Variants in KMT5C observed in about 807,000 individuals in gnomAD.
KMT5C encodes histone-lysine N-methyltransferase KMT5C.
Under a neutral mutation model 38.2 loss-of-function variants are expected in KMT5C, and 16 were observed. That is an observed-to-expected ratio of 0.42 (90% CI 0.28 to 0.64). The LOEUF is 0.64. Among genes scored for constraint, KMT5C ranks in the 30% least tolerant of loss-of-function variants. KMT5C has a pLI of 0.23. For synonymous variants in KMT5C, 291 were observed against 279.0 expected, an observed-to-expected ratio of 1.04 and a Z score of -0.43; for missense variants, 598 against 665.1, an observed-to-expected ratio of 0.90 and a Z score of 1.11.
chr19:55,343,488 G>A lies in KMT5C; in HGVS notation c.387-192G>A, dbSNP rs1469373119. The A allele has an allele frequency of 1.6e-6, 1 of 611,184 alleles. No individual in the cohort carries two copies. The highest frequency in any genetic ancestry group is 1.8e-5 in the African/African-American group (1 of 54,104). The allele number at this position is 611,184 out of a possible 1,614,324, so 37.9% of individuals were successfully genotyped here. On this transcript the variant is annotated intron_variant, in intron 4 of 8. Coordinates refer to ENST00000255613, the MANE Select transcript of KMT5C (RefSeq NM_032701.4). This position sits in a 1 kb window ranked among gnomAD's most constrained non-coding sequence, Gnocchi z 5.5. ...TTCAGTAGAAGGGTCCTGTGGGGCT[G>A]TGGGCTGGAGCAGGGAAGCCCACCC...
intron 6 of KMT5C, 109 bp downstream of exon 6, chr19:55,344,106 G>A: frequency 8.2e-7 from 1 of 1,224,590 alleles, no homozygotes; most frequent in East Asian, 2.4e-5. Context: ...CGGGCGCGGT[G>A]GCTCATGCCT....
intron 6 of KMT5C, 45 bp downstream of exon 6, chr19:55,344,042 G>A: frequency 1.3e-6 from 2 of 1,597,260 alleles, no homozygotes; most frequent in Non-Finnish European, 1.7e-6. Flanking sequence ...AGGAAGAAAG[G>A]GTGCCTGTGG....
chr19:55,347,811 T>G lies in KMT5C; in HGVS notation c.*362T>G, dbSNP rs949099603. ...CGGCATCTCCCCAGAAGTACAGGCC[T>G]CAGGAGGAGGTGGAACTGATGTAGG... On this transcript the variant is annotated 3_prime_UTR_variant, in exon 9 of 9. Transcript: ENST00000255613. This position sits in a 1 kb window ranked among gnomAD's most constrained non-coding sequence, Gnocchi z 4.6. 8.1e-6 allele frequency: 2 copies of G among 246,198 alleles called. No individual in the cohort carries two copies. Among genetic ancestry groups the G allele is most frequent in the Non-Finnish European group, 7.7e-6 (1 of 129,752 alleles). 15.3% of individuals were successfully genotyped at this position (246,198 alleles called of 1,614,324 possible).
intron 1 of KMT5C, among the ~76,000 whole-genome samples, chr19:55,341,178 G>A (rs1434013563): frequency 6.6e-6 from 1 of 152,168 alleles, no homozygotes; most frequent in Non-Finnish European, 1.5e-5. Flanking sequence ...GACCTGTGCT[G>A]CCTCCCCATA....
chr19:55,345,983 C>T (rs2089612096), intron 6 of KMT5C: 8 of 581,608 alleles, frequency 1.4e-5, no homozygotes, highest in Non-Finnish European at 1.2e-5. Flanking sequence ...GTTAGATCAT[C>T]GTCCTGCAGG....
chr19:55,342,915 G>C (rs150863684), intron 4 of KMT5C, 64 bp downstream of exon 4: 13 of 1,052,386 alleles, frequency 1.2e-5, no homozygotes, highest in Admixed American at 5.2e-5. Context: ...GGACAAGAGA[G>C]ACCCTCTGTT....
chr19:55,344,361 C>T (rs1308844865), intron 6 of KMT5C: 1 of 151,240 alleles, frequency 6.6e-6, no homozygotes, highest in African/African-American at 4.2e-5. Flanking sequence ...GACTCTGTCT[C>T]AAAAAAAAAA....
At position 55,347,422 on chromosome 19, in the gene KMT5C, C is replaced by T. The variant is rs757945328; in HGVS notation, c.1362C>T (p.Asp454=). The T allele has an allele frequency of 2.6e-5, 41 of 1,554,708 alleles. No homozygotes were observed. Among genetic ancestry groups the T allele is most frequent in the Non-Finnish European group, 3.5e-5 (40 of 1,157,062 alleles). The change falls in exon 9 of 9, where the codon GAC becomes GAT. Residue 454 remains aspartate, a synonymous_variant. Transcript: ENST00000255613. This position sits in a 1 kb window ranked among gnomAD's most constrained non-coding sequence, Gnocchi z 4.6. ...LRLVVSHGSI[D]LDVGGEEL ...TGGTGGTCAGCCACGGCTCCATCGA[C>T]CTGGATGTCGGCGGTGAAGAGCTGT... is the stretch of plus-strand genomic sequence containing the variant.
In KMT5C at chr19:55,347,370, C is replaced by T. The variant is rs746895267; in HGVS notation, c.1310C>T (p.Pro437Leu). The change falls in exon 9 of 9, where the codon CCC becomes CTC. Residue 437 changes from proline to leucine, a missense_variant. Transcript: ENST00000255613. This position sits in a 1 kb window ranked among gnomAD's most constrained non-coding sequence, Gnocchi z 4.6. ...LIPKQALAFA[P>L]FSPPKRLRLV... is the part of the protein sequence containing the mutation. ...CCGAAGCAGGCCCTCGCCTTCGCCC[C>T]CTTCTCCCCACCCAAGCGCCTACGG... The T allele has an allele frequency of 1.3e-6, 2 of 1,586,178 alleles. No individual in the cohort carries two copies. Among genetic ancestry groups the T allele is most frequent in the Non-Finnish European group, 1.7e-6 (2 of 1,171,512 alleles).
intron 6 of KMT5C, 73 bp from the exon 7 acceptor site, chr19:55,346,140 C>T (rs959951389): frequency 2.6e-5 from 41 of 1,579,598 alleles, no homozygotes; most frequent in Admixed American, 3.5e-5. Context: ...CCAGGGTGCC[C>T]GGCCAGGTGT....
At chr19:55,342,561 C>G (rs549623514) in intron 3 of KMT5C, 181 bp downstream of exon 3, 37 of 636,572 alleles carry the variant, frequency 5.8e-5, no homozygotes, top group Non-Finnish European at 5.5e-6. Context: ...GTTGGGGGGG[C>G]CCTCTGAGAT....
chr19:55,344,096 C>G, intron 6 of KMT5C, 99 bp downstream of exon 6: 6 of 1,354,404 alleles, frequency 4.4e-6, no homozygotes, highest in Non-Finnish European at 6.2e-6. Context: ...AAACACCGGC[C>G]GGGCGCGGTG....
At position 55,342,031 on chromosome 19, in the gene KMT5C, A is replaced by G; in HGVS notation, c.95A>G (p.His32Arg). ...GACCCCTACCTCGGTTTCCGCACCC[A>G]TAAGATGAACGTCAGGTGAGGTGGC... ...VLDPYLGFRT[H>R]KMNVSPVPPL... is the part of the protein sequence containing the mutation. Residue 32 changes from histidine to arginine, a missense_variant, in exon 2 of 9, where the codon CAT becomes CGT. By Grantham distance (29) the His-to-Arg change is conservative. Around this residue, in one of 3 missense-constraint regions of KMT5C, gnomAD observed 167 missense variants for 187.8 expected, o/e 0.89. Transcript: ENST00000255613. 1.9e-6 allele frequency: 3 copies of G among 1,613,448 alleles called. No individual in the cohort carries two copies. The highest frequency in any genetic ancestry group is 1.3e-5 in the African/African-American group (1 of 75,024).
rs2089588391 is a variant in KMT5C at position 55,343,897 on chromosome 19, A to G, written c.550+54A>G. On this transcript the variant is annotated intron_variant, in intron 5 of 8. Coordinates refer to ENST00000255613, the MANE Select transcript of KMT5C (RefSeq NM_032701.4). The surrounding 1 kb of genome is among the most constrained non-coding windows in gnomAD (Gnocchi z 5.5). The stretch of plus-strand genomic sequence containing the variant: ...ACGGGATAGAGCCAGGCAGGGCTGG[A>G]GGGGTGTAGTGGGAGGGTTCTGCGA... 2 of 1,607,520 alleles carry G rather than the reference A, an allele frequency of 1.2e-6. No homozygotes were observed. Among genetic ancestry groups the G allele is most frequent in the African/African-American group, 1.3e-5 (1 of 74,768 alleles).
At chr19:55,346,716 G>C (rs1441979895) in intron 8 of KMT5C, 29 bp downstream of exon 8, 1 of 1,500,242 alleles carries the variant, frequency 6.7e-7, no homozygotes, top group African/African-American at 1.4e-5. Flanking sequence ...CATCCCAGCA[G>C]CCCCTCCCCT....
At position 55,343,675 on chromosome 19, in the gene KMT5C, G is replaced by C; in HGVS notation, c.387-5G>C. On this transcript the variant is annotated splice_region_variant and splice_polypyrimidine_tract_variant and intron_variant, in intron 4 of 8. Coordinates refer to ENST00000255613, the MANE Select transcript of KMT5C (RefSeq NM_032701.4). The surrounding 1 kb of genome is among the most constrained non-coding windows in gnomAD (Gnocchi z 5.5). ...CCACAGCCCTGCCCCCTGGCCTCTT[G>C]GCAGGAAAAAGAATGAGAAGCTGGA... The C allele has an allele frequency of 6.4e-7, 1 of 1,552,440 alleles. No homozygotes were observed.
intron 6 of KMT5C, among the ~76,000 whole-genome samples, chr19:55,345,560 C>T (rs973912443): frequency 1.3e-5 from 2 of 152,138 alleles, no homozygotes; most frequent in East Asian, 1.9e-4. Flanking sequence ...GGCCGTCAGG[C>T]AGGCAGGTGG....
chr19:55,345,296 A>G, intron 6 of KMT5C: 1 of 352,964 alleles, frequency 2.8e-6, no homozygotes, highest in South Asian at 2.1e-5. Flanking sequence ...GACGGCTTTG[A>G]TCCGGCAGCA....
chr19:55,346,821 G>C (rs745355681), intron 8 of KMT5C, 134 bp downstream of exon 8: 14 of 598,554 alleles, frequency 2.3e-5, no homozygotes, highest in Non-Finnish European at 2.8e-5. Context: ...CCTCGCTGTT[G>C]AGCAGTTCGG....
Sources: gnomAD v4.1 joint callset for allele counts (sites outside exome capture counted in the v4.1 genomes callset) on GRCh38, gnomAD v4.1.1 for gene constraint, gnomAD v4.1.1 regional missense constraint, Gnocchi (gnomAD v3.1) non-coding constraint, MANE v1.5 for transcripts, NCBI Gene and HGNC (gene_info 2026-07-23, HGNC 2026-07-21) for gene names.